MGST1: variants seen among roughly 807,000 people sequenced by gnomAD.
MGST1 encodes glutathione S-transferase 12.
In MGST1, 5 loss-of-function variants were observed where a neutral mutation model predicts 8.9. That is an observed-to-expected ratio of 0.56 (90% confidence interval 0.29 to 1.19). The LOEUF (loss-of-function observed/expected upper bound fraction) is 1.19, where lower values mean the gene tolerates loss of function less well. Among genes scored for constraint, MGST1 ranks in the 50% most tolerant of loss-of-function variants. The pLI is 0.08. For synonymous variants in MGST1, 54 were observed against 67.8 expected, an observed-to-expected ratio of 0.80 and a Z score of 1.00; for missense variants, 182 against 187.4, an observed-to-expected ratio of 0.97 and a Z score of 0.17.
intron 4 of MGST1, among the ~76,000 whole-genome samples, chr12:16,553,602 G>A (rs989327878): frequency 2.6e-5 from 4 of 152,050 alleles, no homozygotes; most frequent in African/African-American, 7.2e-5. Flanking sequence ...AAGATGAAAC[G>A]AACATGGATG....
exon 4 of MGST1, chr12:16,376,460 C>T: frequency 5.2e-6 from 1 of 193,460 alleles, no homozygotes; most frequent in African/African-American, 2.3e-5. Flanking sequence ...TAAAATAGAC[C>T]ATGATGAAGT....
intron 4 of MGST1, among the ~76,000 whole-genome samples, chr12:16,483,512 TAAC>T (rs1007801472): frequency 5.9e-5 from 9 of 152,230 alleles, no homozygotes; most frequent in Admixed American, 2.0e-4. Flanking sequence ...TCAAATATGT[TAAC>T]AACCATATTC....
intron 4 of MGST1, among the ~76,000 whole-genome samples, chr12:16,511,512 A>G (rs1941577371): frequency 6.6e-6 from 1 of 152,206 alleles, no homozygotes; most frequent in African/African-American, 2.4e-5. Context: ...TCATATTGGC[A>G]ATCTTTTTTT....
At chr12:16,408,163 G>C (rs952278679) in intron 1 of MGST1, among the ~76,000 whole-genome samples, 3 of 151,830 alleles carry the variant, frequency 2.0e-5, no homozygotes, top group African/African-American at 7.3e-5. Flanking sequence ...TAAATGATGA[G>C]GATGCATGGA....
chr12:16,516,888 ATCTAT>A (rs1941618460), intron 4 of MGST1, among the ~76,000 whole-genome samples: 1 of 152,182 alleles, frequency 6.6e-6, no homozygotes, highest in Non-Finnish European at 1.5e-5. Flanking sequence ...AAGGAAGTCA[ATCTAT>A]CAAATACTTT....
At chr12:16,469,108 T>C (rs1389369901) in intron 4 of MGST1, among the ~76,000 whole-genome samples, 2 of 152,106 alleles carry the variant, frequency 1.3e-5, no homozygotes, top group Non-Finnish European at 2.9e-5. Flanking sequence ...TGAGATTGCA[T>C]TCTGTGATAT....
intron 4 of MGST1, among the ~76,000 whole-genome samples, chr12:16,459,126 TTC>T (rs1224974188): frequency 1.3e-5 from 2 of 152,168 alleles, no homozygotes; most frequent in African/African-American, 4.8e-5. Flanking sequence ...AAAGAAATTA[TTC>T]TGTTTATTTT....
intron 4 of MGST1, among the ~76,000 whole-genome samples, chr12:16,488,552 T>C (rs949126381): frequency 6.6e-6 from 1 of 152,182 alleles, no homozygotes; most frequent in Non-Finnish European, 1.5e-5. Flanking sequence ...AAGTCTTTCT[T>C]GTTTACTTTC....
Position 16,585,243 on chromosome 12 carries a change from A to T in MGST1, n.483-4285A>T, listed in dbSNP as rs925080259. On this transcript the variant is annotated intron_variant and non_coding_transcript_variant, in intron 4 of 4. Transcript: ENST00000538857. This position sits in a 1 kb window ranked among gnomAD's most constrained non-coding sequence, Gnocchi z 4.7. ...CCCGTCTTAGCCCTTGGCAAGATAA[A>T]TAATTCAGCCTATTTTATTTACATT... 1.8e-4 allele frequency among the ~76,000 whole-genome samples: 28 copies of T among 152,156 alleles called. No individual in the cohort carries two copies. Among genetic ancestry groups the T allele is most frequent in the Non-Finnish European group, 3.7e-4 (25 of 68,046 alleles).
intron 4 of MGST1, among the ~76,000 whole-genome samples, chr12:16,545,536 A>G (rs1941818455): frequency 6.6e-6 from 1 of 152,074 alleles, no homozygotes; most frequent in Non-Finnish European, 1.5e-5. Context: ...CAAATAGTAT[A>G]CTTGTTGTAT....
intron 3 of MGST1, among the ~76,000 whole-genome samples, chr12:16,372,916 A>ATATATTTTATATTG (rs923399201): frequency 1.4e-5 from 2 of 142,626 alleles, no homozygotes; most frequent in African/African-American, 2.5e-5. Flanking sequence ...TACATATTTT[A>ATATATTTTATATTG]TATATTTTAT....
At chr12:16,494,609 A>T (rs560007062) in intron 4 of MGST1, among the ~76,000 whole-genome samples, 1 of 152,236 alleles carries the variant, frequency 6.6e-6, no homozygotes, top group Admixed American at 6.6e-5. Flanking sequence ...GCAAGCTATG[A>T]TTGTCTCCAC....
At chr12:16,577,171 A>G (rs1943020036) in intron 4 of MGST1, among the ~76,000 whole-genome samples, 1 of 152,128 alleles carries the variant, frequency 6.6e-6, no homozygotes, top group African/African-American at 2.4e-5. Flanking sequence ...TCATTACCCC[A>G]TTACTCTAAA....
chr12:16,565,304 T>A (rs1009699785), intron 4 of MGST1, among the ~76,000 whole-genome samples: 2 of 152,240 alleles, frequency 1.3e-5, no homozygotes, highest in Non-Finnish European at 2.9e-5. Flanking sequence ...TTTTCACAGA[T>A]TGAAGGACAA....
At position 16,513,581 on chromosome 12, in the gene MGST1, T is replaced by A; in HGVS notation, n.483-75947T>A. On this transcript the variant is annotated intron_variant and non_coding_transcript_variant, in intron 4 of 4. Coordinates refer to the MGST1 transcript ENST00000538857. This position sits in a 1 kb window ranked among gnomAD's most constrained non-coding sequence, Gnocchi z 4.2. ...AATAGCAAAAAGATGAATCTGGGAGTTAGTGCCTACAGGGACCACAACGGA... is the reference window on the plus strand; with the variant it reads ...AATAGCAAAAAGATGAATCTGGGAGATAGTGCCTACAGGGACCACAACGGA... The A allele has an allele frequency of 2.0e-6, 1 of 492,494 alleles. No homozygotes were observed. Among genetic ancestry groups the A allele is most frequent in the Admixed American group, 2.3e-5 (1 of 43,372 alleles). 30.5% of individuals were successfully genotyped at this position (492,494 alleles called of 1,614,324 possible).
rs1941590917 is a variant in MGST1 at position 16,513,549 on chromosome 12, G to A, written n.483-75979G>A. On this transcript the variant is annotated intron_variant and non_coding_transcript_variant, in intron 4 of 4. Coordinates refer to the MGST1 transcript ENST00000538857. The surrounding 1 kb of genome is among the most constrained non-coding windows in gnomAD (Gnocchi z 4.2). ...TTGGAGTCACCGAAGGCTTTAAGAGGGACACCAATAGCAAAAAGATGAATC... is the reference window on the plus strand; with the variant it reads ...TTGGAGTCACCGAAGGCTTTAAGAGAGACACCAATAGCAAAAAGATGAATC... The A allele has an allele frequency of 6.1e-6, 3 of 488,796 alleles. No individual in the cohort carries two copies. The highest frequency in any genetic ancestry group is 1.3e-5 in the Non-Finnish European group (3 of 238,562). 30.3% of individuals were successfully genotyped at this position (488,796 alleles called of 1,614,324 possible). A position where few individuals can be genotyped will look rare whatever the true frequency, so the allele number is the denominator to read the frequency against.
intron 4 of MGST1, among the ~76,000 whole-genome samples, chr12:16,543,929 C>G (rs182490761): frequency 3.4e-4 from 52 of 152,168 alleles, no homozygotes; most frequent in African/African-American, 9.1e-4. Context: ...CTTAAGTCAT[C>G]ATCTCAGCTG....
intron 4 of MGST1, among the ~76,000 whole-genome samples, chr12:16,538,015 G>C (rs999015013): frequency 1.3e-5 from 2 of 152,104 alleles, no homozygotes; most frequent in Admixed American, 1.3e-4. Flanking sequence ...TGCATCATCT[G>C]GCTGCAAATT....
chr12:16,512,071 T>TA (rs950929233), intron 4 of MGST1, among the ~76,000 whole-genome samples: 1 of 152,216 alleles, frequency 6.6e-6, no homozygotes, highest in African/African-American at 2.4e-5. Flanking sequence ...GTTTATTTTT[T>TA]AAAAAAGAGA....
Sources: gnomAD v4.1 joint callset for allele counts (sites outside exome capture counted in the v4.1 genomes callset) on GRCh38, gnomAD v4.1.1 for gene constraint, Gnocchi (gnomAD v3.1) non-coding constraint, MANE v1.5 for transcripts, NCBI Gene and HGNC (gene_info 2026-07-23, HGNC 2026-07-21) for gene names.